PVT1: variants seen among roughly 807,000 people sequenced by gnomAD.
PVT1 encodes the protein CXCR4/PVT1 fusion.
intron 3 of PVT1, among the ~76,000 whole-genome samples, chr8:127,962,490 T>G (rs979176084): frequency 6.6e-6 from 1 of 152,256 alleles, no homozygotes; most frequent in African/African-American, 2.4e-5. Context: ...AGCTCTGCTG[T>G]GACCTTATTT....
intron 2 of PVT1, among the ~76,000 whole-genome samples, chr8:127,802,319 T>C (rs1219852705): frequency 6.6e-6 from 1 of 152,186 alleles, no homozygotes; most frequent in Non-Finnish European, 1.5e-5. Context: ...GCTCAGGTGA[T>C]CCTCCCACCT....
chr8:128,090,276 T>C (rs954242878), intron 5 of PVT1, among the ~76,000 whole-genome samples: 5 of 152,234 alleles, frequency 3.3e-5, no homozygotes, highest in African/African-American at 1.2e-4. Flanking sequence ...AAGACTGTCT[T>C]TACCTGCCTT....
At chr8:127,863,971 G>C (rs1367017054) in intron 2 of PVT1, among the ~76,000 whole-genome samples, 1 of 152,216 alleles carries the variant, frequency 6.6e-6, no homozygotes, top group African/African-American at 2.4e-5. Flanking sequence ...GGCTCAGCGC[G>C]GATGGAGCGA....
At chr8:127,967,882 G>C (rs1816720730) in intron 3 of PVT1, among the ~76,000 whole-genome samples, 1 of 152,186 alleles carries the variant, frequency 6.6e-6, no homozygotes, top group Non-Finnish European at 1.5e-5. Flanking sequence ...AAGTCTTTCT[G>C]GTCAGTTTGC....
intron 3 of PVT1, among the ~76,000 whole-genome samples, chr8:127,916,586 G>C (rs1386945949): frequency 6.6e-6 from 1 of 152,138 alleles, no homozygotes; most frequent in Non-Finnish European, 1.5e-5. Context: ...AGATGATTTC[G>C]TTCTGGTCTC....
intron 4 of PVT1, among the ~76,000 whole-genome samples, chr8:128,027,947 C>T (rs1182785498): frequency 6.6e-6 from 1 of 152,242 alleles, no homozygotes; most frequent in African/African-American, 2.4e-5. Context: ...AGGCCCCCAG[C>T]TGGCATTTGG....
In PVT1 at chr8:127,937,580, C is replaced by CACACACACACACAG. The variant is rs59006608; in HGVS notation, n.782+46583_782+46584insCACACACACACAGA. Among the ~76,000 whole-genome samples the CACACACACACACAG allele has an allele frequency of 2.6e-3, 283 of 107,822 alleles. 1 individual carries two copies. The highest frequency in any genetic ancestry group is 9.6e-3 in the African/African-American group (258 of 26,970). The allele number at this position is 107,822 out of a possible 152,430, so 70.7% of individuals were successfully genotyped here. Reference sequence around the variant, plus strand: ...ACACACACACACACACACACACACACAGAGAGAGAGAGAGAGAGAGAGAGA... The same window carrying CACACACACACACAG: ...ACACACACACACACACACACACACACACACACACACACAGAGAGAGAGAGAGAGAGAGAGAGAGA... On this transcript the variant is annotated intron_variant and non_coding_transcript_variant, in intron 3 of 10. Coordinates refer to ENST00000651587, the Ensembl canonical transcript of PVT1.
Position 127,842,256 on chromosome 8 carries a change from A to AT in PVT1, n.372+46201dup, listed in dbSNP as rs11347742. Among the ~76,000 whole-genome samples the AT allele has an allele frequency of 8.1e-3, 1,136 of 140,888 alleles. 11 individuals are homozygous for AT. Among genetic ancestry groups the AT allele is most frequent in the East Asian group, 0.029 (139 of 4,764 alleles). The allele number at this position is 140,888 out of a possible 152,430, so 92.4% of individuals were successfully genotyped here. Reference sequence around the variant, plus strand: ...TTGCTCTTTTGTGGAACTGCTCTGGATTTTTTTTTTTTTTTTAAGAAAGAA... The same window carrying AT: ...TTGCTCTTTTGTGGAACTGCTCTGGATTTTTTTTTTTTTTTTTAAGAAAGAA... On this transcript the variant is annotated intron_variant and non_coding_transcript_variant, in intron 2 of 10. Coordinates refer to ENST00000651587, the Ensembl canonical transcript of PVT1.
intron 2 of PVT1, among the ~76,000 whole-genome samples, chr8:127,848,275 G>A (rs1278963232): frequency 6.6e-6 from 1 of 152,218 alleles, no homozygotes; most frequent in Non-Finnish European, 1.5e-5. Context: ...ACCAAAGCCA[G>A]GTGTGGTGGC....
intron 3 of PVT1, among the ~76,000 whole-genome samples, chr8:127,912,114 CAT>C (rs2129847346): frequency 6.6e-6 from 1 of 152,350 alleles, no homozygotes; most frequent in African/African-American, 2.4e-5. Context: ...CCAGATCCCA[CAT>C]GTGATAAAGT....
intron 2 of PVT1, among the ~76,000 whole-genome samples, chr8:127,858,945 C>A (rs998425156): frequency 2.0e-5 from 3 of 149,472 alleles, no homozygotes; most frequent in East Asian, 2.0e-4. Context: ...ATAGCTGGGA[C>A]TTTGGGTGTG....
chr8:127,799,943 G>A (rs1814445262), intron 2 of PVT1, among the ~76,000 whole-genome samples: 1 of 152,224 alleles, frequency 6.6e-6, no homozygotes, highest in South Asian at 2.1e-4. Flanking sequence ...AAACAGATGA[G>A]AAAGTAAATA....
chr8:128,014,120 C>A (rs1192579152), intron 4 of PVT1, among the ~76,000 whole-genome samples: 1 of 152,200 alleles, frequency 6.6e-6, no homozygotes, highest in African/African-American at 2.4e-5. Flanking sequence ...CAGTGTCTCT[C>A]ACGAAGCTCT....
At chr8:127,958,795 G>A (rs898779528) in intron 3 of PVT1, among the ~76,000 whole-genome samples, 23 of 152,140 alleles carry the variant, frequency 1.5e-4, no homozygotes, top group African/African-American at 3.9e-4. Context: ...CTGGTTGTAC[G>A]GAATAACAAT....
intron 4 of PVT1, among the ~76,000 whole-genome samples, chr8:128,053,388 CATAT>C (rs1020247126): frequency 6.7e-6 from 1 of 149,400 alleles, no homozygotes. Flanking sequence ...CACACACACA[CATAT>C]ATATGTATTT....
At chr8:127,963,789 G>A (rs1816673315) in intron 3 of PVT1, among the ~76,000 whole-genome samples, 1 of 152,198 alleles carries the variant, frequency 6.6e-6, no homozygotes, top group Non-Finnish European at 1.5e-5. Context: ...TGGAGGAATG[G>A]AGTCCTGCCC....
At chr8:127,929,199 GTT>G (rs34027484) in intron 3 of PVT1, among the ~76,000 whole-genome samples, 62,006 of 137,972 alleles carry the variant, frequency 0.45, 13,448 homozygotes, top group Admixed American at 0.57. Context: ...TCATTTTTCT[GTT>G]TTTTTTTTTT....
chr8:127,871,793 A>G (rs1280704489), intron 2 of PVT1, among the ~76,000 whole-genome samples: 3 of 152,192 alleles, frequency 2.0e-5, no homozygotes, highest in Non-Finnish European at 4.4e-5. Context: ...TATATTGTAC[A>G]TTTAAAAATA....
At chr8:127,977,814 G>T (rs1308608781) in intron 3 of PVT1, among the ~76,000 whole-genome samples, 1 of 152,174 alleles carries the variant, frequency 6.6e-6, no homozygotes, top group Non-Finnish European at 1.5e-5. Context: ...AAGCTTGAAG[G>T]CTTCTTATCA....
Sources: allele counts gnomAD v4.1 joint callset (sites outside exome capture counted in the v4.1 genomes callset), GRCh38; gene constraint gnomAD v4.1.1; transcripts MANE v1.5; gene names NCBI Gene and HGNC (gene_info 2026-07-23, HGNC 2026-07-21).